The following KCNMA1 variants were observed in gnomAD, a reference collection of about 807,000 sequenced individuals.
KCNMA1 encodes potassium calcium-activated channel subfamily M alpha 1, also known as Calcium-activated potassium channel subunit alpha-1.
A neutral mutation model predicts 140.0 loss-of-function variants in KCNMA1; 29 were observed. The ratio of observed to expected loss-of-function variants is 0.21; its 90% CI spans 0.15 to 0.28. The LOEUF is 0.28. KCNMA1 is among the 10% of genes least tolerant of loss of function. The pLI, the probability that KCNMA1 is intolerant of heterozygous loss-of-function variation, is 1.00. For synonymous variants in KCNMA1, 612 were observed against 611.9 expected, an observed-to-expected ratio of 1.00 and a Z score of 0.00; for missense variants, 880 against 1,602.2, an observed-to-expected ratio of 0.55 and a Z score of 7.70.
At chr10:77,634,571 T>G (rs28706743) in intron 1 of KCNMA1, 175,656 of 984,190 alleles carry the variant, frequency 0.18, 17,118 homozygotes, top group East Asian at 0.53. Flanking sequence ...TCCTCTGGAC[T>G]CCAGCTCTTG....
chr10:77,633,319 A>G (rs1365230323), intron 1 of KCNMA1, among the ~76,000 whole-genome samples: 1 of 152,060 alleles, frequency 6.6e-6, no homozygotes, highest in Non-Finnish European at 1.5e-5. Flanking sequence ...CATCTCAAAA[A>G]AAAAAATTAA....
chr10:77,501,077 C>A (rs561320481), intron 1 of KCNMA1, among the ~76,000 whole-genome samples: 1 of 152,358 alleles, frequency 6.6e-6, no homozygotes, highest in Non-Finnish European at 1.5e-5. Context: ...AACAATTAAG[C>A]CCATAGGCTC....
chr10:77,501,767 G>C (rs994208139), intron 1 of KCNMA1, among the ~76,000 whole-genome samples: 9 of 152,216 alleles, frequency 5.9e-5, no homozygotes, highest in African/African-American at 9.7e-5. Context: ...TACCCATGGT[G>C]GGGTGGGAGC....
intron 2 of KCNMA1, among the ~76,000 whole-genome samples, chr10:77,329,668 TC>T (rs1213998385): frequency 6.6e-6 from 1 of 152,228 alleles, no homozygotes; most frequent in Non-Finnish European, 1.5e-5. Context: ...AACACGAATG[TC>T]CTATCCTGAA....
chr10:77,336,202 G>C (rs1486533964), intron 2 of KCNMA1, among the ~76,000 whole-genome samples: 1 of 152,124 alleles, frequency 6.6e-6, no homozygotes, highest in South Asian at 2.1e-4. Flanking sequence ...TATTGACTAC[G>C]AGACTTGTTT....
At chr10:77,570,617 T>G in intron 1 of KCNMA1, among the ~76,000 whole-genome samples, 6 of 105,350 alleles carry the variant, frequency 5.7e-5, no homozygotes, top group South Asian at 3.9e-4. Context: ...GGGATAGCAT[T>G]GGGAGATATA....
intron 6 of KCNMA1, among the ~76,000 whole-genome samples, chr10:77,113,586 C>T (rs2097376090): frequency 6.6e-6 from 1 of 152,180 alleles, no homozygotes; most frequent in African/African-American, 2.4e-5. Flanking sequence ...GCCTTAGCCT[C>T]CCGAGTAGCT....
rs1603473467 is a variant in KCNMA1 at position 77,402,361 on chromosome 10, C to T, written c.540+1501G>A. On this transcript the variant is annotated intron_variant, in intron 2 of 27. Coordinates refer to ENST00000286628, the MANE Select transcript of KCNMA1 (RefSeq NM_001161352.2). The stretch of plus-strand genomic sequence containing the variant: ...GGGTCACACCAGACTGAATTGTCTC[C>T]CTCTCTGCCTTCCTCCAAGCAGCCA... 2.0e-5 allele frequency among the ~76,000 whole-genome samples: 3 copies of T among 152,152 alleles called. No individual in the cohort carries two copies. The East Asian group carries it at 5.8e-4, about 29-fold the overall frequency.
At chr10:77,519,419 A>G (rs559714631) in intron 1 of KCNMA1, among the ~76,000 whole-genome samples, 1 of 152,352 alleles carries the variant, frequency 6.6e-6, no homozygotes, top group South Asian at 2.1e-4. Flanking sequence ...CCAAAGATGC[A>G]GCTGTGTTTG....
chr10:77,248,909 C>G (rs1183002968), intron 3 of KCNMA1, among the ~76,000 whole-genome samples: 1 of 152,172 alleles, frequency 6.6e-6, no homozygotes, highest in Non-Finnish European at 1.5e-5. Context: ...GCTGAATCCA[C>G]TGATTGGGCC....
At position 77,637,496 on chromosome 10, in the gene KCNMA1, A is replaced by AGAAGAG. The variant is rs770298470; in HGVS notation, c.141_146dup (p.Ser59_Ser60dup). ...AGGAGGAAGAGGAGGAGGAAGAAGA[A>AGAAGAG]GAAGAGGAAGAGGAGGAGGAGGAGG... is the stretch of plus-strand genomic sequence containing the variant. On this transcript the variant is annotated inframe_insertion, in exon 1 of 28. Coordinates refer to ENST00000286628, the MANE Select transcript of KCNMA1 (RefSeq NM_001161352.2). The AGAAGAG allele has an allele frequency of 3.8e-6, 6 of 1,593,538 alleles. No homozygotes were observed. The highest frequency in any genetic ancestry group is 2.3e-5 in the East Asian group (1 of 44,156).
intron 1 of KCNMA1, among the ~76,000 whole-genome samples, chr10:77,501,200 G>C (rs892909120): frequency 6.6e-6 from 1 of 152,180 alleles, no homozygotes. Context: ...AGAAGAAGAA[G>C]AATAGTGCCT....
chr10:77,185,942 A>G (rs879497458), intron 3 of KCNMA1, among the ~76,000 whole-genome samples: 1 of 152,172 alleles, frequency 6.6e-6, no homozygotes, highest in Non-Finnish European at 1.5e-5. Context: ...GAATACCAAG[A>G]GAAGCAAAAC....
chr10:76,980,404 T>A (rs973913672), intron 19 of KCNMA1: 1 of 152,166 alleles, frequency 6.6e-6, no homozygotes, highest in Non-Finnish European at 1.5e-5. Flanking sequence ...TCTACTGTGA[T>A]CCCTACTGGA....
At chr10:76,946,548 T>C (rs537968320) in intron 22 of KCNMA1, among the ~76,000 whole-genome samples, 9 of 152,200 alleles carry the variant, frequency 5.9e-5, no homozygotes, top group Admixed American at 2.0e-4. Context: ...TGTGCAACTA[T>C]GGAGGAAGGG....
chr10:77,305,056 T>A (rs2077366904), intron 2 of KCNMA1, among the ~76,000 whole-genome samples: 1 of 152,200 alleles, frequency 6.6e-6, no homozygotes, highest in Non-Finnish European at 1.5e-5. Flanking sequence ...TCTACATTTC[T>A]AACAAGTCTC....
intron 14 of KCNMA1, among the ~76,000 whole-genome samples, chr10:77,044,868 T>C (rs963279601): frequency 2.6e-5 from 4 of 151,982 alleles, no homozygotes; most frequent in South Asian, 2.1e-4. Context: ...ACCACAAAGA[T>C]AGAGGTGTAG....
At chr10:77,420,665 T>G (rs1388676292) in intron 1 of KCNMA1, among the ~76,000 whole-genome samples, 1 of 117,720 alleles carries the variant, frequency 8.5e-6, no homozygotes, top group Non-Finnish European at 2.0e-5. Context: ...GTAGCAGGTG[T>G]GCAACAAACA....
At chr10:76,988,899 G>C (rs560129103) in intron 19 of KCNMA1, among the ~76,000 whole-genome samples, 1 of 152,172 alleles carries the variant, frequency 6.6e-6, no homozygotes, top group Non-Finnish European at 1.5e-5. Flanking sequence ...TTTGCCTGGA[G>C]ATGGTGTCCC....
Sources: allele counts gnomAD v4.1 joint callset (sites outside exome capture counted in the v4.1 genomes callset), GRCh38; gene constraint gnomAD v4.1.1; transcripts MANE v1.5; gene names NCBI Gene and HGNC (gene_info 2026-07-23, HGNC 2026-07-21).